Variants in XIRP2 observed in about 807,000 individuals in gnomAD.
XIRP2 encodes the protein xin actin binding repeat containing 2, also known as xin actin-binding repeat-containing protein 2.
A neutral mutation model predicts 277.0 loss-of-function variants in XIRP2; 236 were observed. The observed-to-expected ratio is 0.85, with a 90% CI of 0.77 to 0.95. XIRP2 has a LOEUF of 0.95. XIRP2 is among the 40% of genes least tolerant of loss of function. The pLI is 0.00. For missense variants in XIRP2, 4,640 were observed against 4,157.5 expected (o/e 1.12, Z -3.19); for synonymous variants, 1,490 against 1,416.5 (o/e 1.05, Z -1.17).
At chr2:166,982,187 A>G (rs1336107497) in intron 2 of XIRP2, among the ~76,000 whole-genome samples, 1 of 151,782 alleles carries the variant, frequency 6.6e-6, no homozygotes, top group East Asian at 1.9e-4. Context: ...TTAAATCTCC[A>G]TTATTTCTGA....
Position 167,259,096 on chromosome 2 carries a change from T to G in XIRP2, c.*1279T>G. 1 of 1,611,328 alleles carries G rather than the reference T, an allele frequency of 6.2e-7. No individual in the cohort carries two copies. The highest frequency in any genetic ancestry group is 8.5e-7 in the Non-Finnish European group (1 of 1,178,108). ...AAATCACTGCATTTTCCAAGAAAAA[T>G]GAGAACATTTTCAATTGTGATTTAA... On this transcript the variant is annotated 3_prime_UTR_variant, in exon 11 of 11. Transcript: ENST00000409195.
chr2:167,140,372 T>G (rs575002304), intron 3 of XIRP2, among the ~76,000 whole-genome samples: 1 of 152,334 alleles, frequency 6.6e-6, no homozygotes, highest in Non-Finnish European at 1.5e-5. Flanking sequence ...AATGAAATGG[T>G]GCAACAGGCT....
intron 9 of XIRP2, among the ~76,000 whole-genome samples, chr2:167,252,665 T>A (rs1574003552): frequency 6.6e-6 from 1 of 151,948 alleles, no homozygotes; most frequent in Middle Eastern, 3.2e-3. Context: ...ATGGACTTAG[T>A]ACATGATTTT....
intron 2 of XIRP2, among the ~76,000 whole-genome samples, chr2:167,103,579 G>A (rs1411949757): frequency 6.6e-6 from 1 of 152,146 alleles, no homozygotes; most frequent in Non-Finnish European, 1.5e-5. Flanking sequence ...TAACCAATCT[G>A]CGGCAATGCT....
At position 167,059,382 on chromosome 2, in the gene XIRP2, G is replaced by T. The variant is rs562912197; in HGVS notation, c.409-76527G>T. ...ATCCGCCCATCTCGCTGAAGTGCTG[G>T]GATTACGGGGTGAACCACCACGCCT... is the stretch of plus-strand genomic sequence containing the variant. On this transcript the variant is annotated intron_variant, in intron 2 of 10. Coordinates refer to ENST00000409195, the MANE Select transcript of XIRP2 (RefSeq NM_152381.6). Among the ~76,000 whole-genome samples the T allele has an allele frequency of 7.8e-3, 1,173 of 150,048 alleles. 9 individuals are homozygous for T. The highest frequency in any genetic ancestry group is 0.012 in the Admixed American group (188 of 15,122).
At chr2:167,153,572 C>A (rs1692086141) in intron 3 of XIRP2, among the ~76,000 whole-genome samples, 1 of 151,824 alleles carries the variant, frequency 6.6e-6, no homozygotes, top group African/African-American at 2.4e-5. Flanking sequence ...CCCCACCCCA[C>A]AACAGTCCCC....
At chr2:167,075,808 ATTT>A (rs5836132) in intron 2 of XIRP2, among the ~76,000 whole-genome samples, 1 of 141,232 alleles carries the variant, frequency 7.1e-6, no homozygotes, top group African/African-American at 2.6e-5. Flanking sequence ...TGCCCAGCTA[ATTT>A]TTTTTTTTTT....
intron 2 of XIRP2, among the ~76,000 whole-genome samples, chr2:167,127,621 C>T (rs1269767087): frequency 2.6e-5 from 4 of 152,116 alleles, no homozygotes; most frequent in Non-Finnish European, 5.9e-5. Flanking sequence ...TGCTGCTGAG[C>T]CCTAAATCTT....
chr2:167,126,539 T>G (rs187828648), intron 2 of XIRP2, among the ~76,000 whole-genome samples: 2 of 152,268 alleles, frequency 1.3e-5, no homozygotes, highest in East Asian at 3.9e-4. Context: ...TTGTCCTTAT[T>G]TTTCTGATGA....
chr2:167,113,159 A>G (rs1017658267), intron 2 of XIRP2, among the ~76,000 whole-genome samples: 21 of 152,152 alleles, frequency 1.4e-4, no homozygotes, highest in African/African-American at 4.8e-4. Context: ...AATATCTAGT[A>G]CATTCATTTG....
chr2:167,107,624 A>G (rs1227887922), intron 2 of XIRP2, among the ~76,000 whole-genome samples: 1 of 151,534 alleles, frequency 6.6e-6, no homozygotes, highest in East Asian at 1.9e-4. Flanking sequence ...GAATTTTTAT[A>G]TCTATATGAG....
chr2:167,033,108 C>G (rs985880860), intron 2 of XIRP2, among the ~76,000 whole-genome samples: 1 of 150,182 alleles, frequency 6.7e-6, no homozygotes, highest in Non-Finnish European at 1.5e-5. Flanking sequence ...GGAATACTAT[C>G]CTATAAAAAA....
At chr2:166,955,700 C>A (rs1314459546) in intron 2 of XIRP2, among the ~76,000 whole-genome samples, 1 of 151,778 alleles carries the variant, frequency 6.6e-6, no homozygotes, top group African/African-American at 2.4e-5. Flanking sequence ...CGTAAAATGT[C>A]ATTCTCCTTT....
intron 2 of XIRP2, among the ~76,000 whole-genome samples, chr2:167,122,903 G>A (rs181580509): frequency 7.5e-4 from 114 of 152,098 alleles, no homozygotes; most frequent in Middle Eastern, 3.4e-3. Flanking sequence ...GGGTCTTCAT[G>A]CCAGGGACTT....
At chr2:167,018,015 C>T (rs1179473561) in intron 2 of XIRP2, among the ~76,000 whole-genome samples, 3 of 152,034 alleles carry the variant, frequency 2.0e-5, no homozygotes, top group African/African-American at 7.2e-5. Flanking sequence ...CTGCAGGAGA[C>T]AAAACCCTCT....
At chr2:166,984,227 A>C (rs1178367924) in intron 2 of XIRP2, among the ~76,000 whole-genome samples, 1 of 152,170 alleles carries the variant, frequency 6.6e-6, no homozygotes, top group Non-Finnish European at 1.5e-5. Flanking sequence ...TTATTCTACC[A>C]AGTCTTCAAA....
chr2:167,084,194 ATAATAATGTGG>A (rs1399318454), intron 2 of XIRP2, among the ~76,000 whole-genome samples: 91 of 152,308 alleles, frequency 6.0e-4, no homozygotes, highest in Non-Finnish European at 9.1e-4. Context: ...ATCTATTGAG[ATAATAATGTGG>A]TTTTTGTCTT....
chr2:167,034,605 C>T (rs1266204317), intron 2 of XIRP2, among the ~76,000 whole-genome samples: 2 of 151,954 alleles, frequency 1.3e-5, no homozygotes, highest in African/African-American at 2.4e-5. Context: ...AATGATATCC[C>T]ATGCCAACAG....
chr2:166,903,090 A>C (rs1684422687), intron 1 of XIRP2, among the ~76,000 whole-genome samples: 1 of 152,130 alleles, frequency 6.6e-6, no homozygotes, highest in African/African-American at 2.4e-5. Flanking sequence ...TAGACTTTTT[A>C]AGTTGCCCTT....
Sources: allele counts gnomAD v4.1 joint callset (sites outside exome capture counted in the v4.1 genomes callset), GRCh38; gene constraint gnomAD v4.1.1; transcripts MANE v1.5; gene names NCBI Gene and HGNC (gene_info 2026-07-23, HGNC 2026-07-21).